EGFR: variants seen among roughly 807,000 people sequenced by gnomAD.
The protein encoded by EGFR is epidermal growth factor receptor, also known as avian erythroblastic leukemia viral (v-erb-b) oncogene homolog.
Under a neutral mutation model 143.0 loss-of-function variants are expected in EGFR, and 58 were observed. The ratio of observed to expected loss-of-function variants is 0.41; its 90% CI spans 0.33 to 0.50. EGFR has a LOEUF of 0.50. Among genes scored for constraint, EGFR ranks in the 20% least tolerant of loss-of-function variants. The probability of loss-of-function intolerance (pLI) is 0.39; values close to 1 mark genes in which losing one functional copy is unlikely to be tolerated. For missense variants in EGFR, 1,307 were observed against 1,579.0 expected (o/e 0.83, Z 2.92); for synonymous variants, 613 against 594.4 (o/e 1.03, Z -0.45).
chr7:55,126,432 T>G (rs961859219), intron 1 of EGFR, among the ~76,000 whole-genome samples: 1 of 152,242 alleles, frequency 6.6e-6, no homozygotes, highest in African/African-American at 2.4e-5. Context: ...GAGGCATTCT[T>G]CTACTCCCAC....
chr7:55,036,231 T>C (rs1787561446), intron 1 of EGFR, among the ~76,000 whole-genome samples: 1 of 137,816 alleles, frequency 7.3e-6, no homozygotes, highest in South Asian at 2.5e-4. Context: ...GCTAAGTTTA[T>C]ATTCTGTTCA....
At chr7:55,120,247 C>A (rs1192427565) in intron 1 of EGFR, among the ~76,000 whole-genome samples, 1 of 152,180 alleles carries the variant, frequency 6.6e-6, no homozygotes, top group Admixed American at 6.5e-5. Flanking sequence ...TTGGGGGACG[C>A]CACCCACCCT....
intron 1 of EGFR, among the ~76,000 whole-genome samples, chr7:55,078,826 G>A (rs2128888620): frequency 6.6e-6 from 1 of 152,310 alleles, no homozygotes; most frequent in African/African-American, 2.4e-5. Context: ...ATGGAGCAGT[G>A]GAGTGGCGTT....
intron 1 of EGFR, among the ~76,000 whole-genome samples, chr7:55,035,270 CATTTT>C (rs1032676853): frequency 1.3e-5 from 2 of 152,114 alleles, no homozygotes; most frequent in Non-Finnish European, 2.9e-5. Context: ...TTTCAAAACA[CATTTT>C]ATTTATTTGG....
intron 1 of EGFR, among the ~76,000 whole-genome samples, chr7:55,091,488 G>C (rs1013370773): frequency 5.3e-5 from 8 of 152,194 alleles, no homozygotes; most frequent in Non-Finnish European, 8.8e-5. Flanking sequence ...TTGGGTTGGG[G>C]GTGGGGCCTG....
chr7:55,078,910 TG>T, intron 1 of EGFR, among the ~76,000 whole-genome samples: 1 of 152,208 alleles, frequency 6.6e-6, no homozygotes, highest in Non-Finnish European at 1.5e-5. Flanking sequence ...GGCACGCGTC[TG>T]GGGTGGAGAC....
chr7:55,137,626 C>T (rs1031496955), intron 1 of EGFR, among the ~76,000 whole-genome samples: 7 of 152,202 alleles, frequency 4.6e-5, no homozygotes, highest in Admixed American at 6.5e-5. Flanking sequence ...GCACAGATAA[C>T]TTCGTATATC....
At chr7:55,188,588 G>A (rs148825439) in intron 20 of EGFR, among the ~76,000 whole-genome samples, 2 of 152,260 alleles carry the variant, frequency 1.3e-5, no homozygotes, top group African/African-American at 4.8e-5. Context: ...CGGAGAAGAA[G>A]CAGGAACTGA....
intron 1 of EGFR, among the ~76,000 whole-genome samples, chr7:55,088,442 C>G (rs943869855): frequency 6.6e-6 from 1 of 152,180 alleles, no homozygotes; most frequent in African/African-American, 2.4e-5. Context: ...TGTGCAACTC[C>G]CTTTTGGTAA....
intron 1 of EGFR, among the ~76,000 whole-genome samples, chr7:55,078,398 G>A (rs1412520610): frequency 1.3e-5 from 2 of 150,234 alleles, no homozygotes; most frequent in African/African-American, 2.4e-5. Context: ...ACCACGCCAC[G>A]TAGAGACACT....
Position 55,173,246 on chromosome 7 carries a change from A to G in EGFR, c.2061+122A>G, listed in dbSNP as rs929562683. 3 of 1,411,828 alleles carry G rather than the reference A, an allele frequency of 2.1e-6. No individual in the cohort carries two copies. The African/African-American group carries it at 4.2e-5, about 20-fold the overall frequency. 87.5% of individuals were successfully genotyped at this position (1,411,828 alleles called of 1,614,324 possible). The stretch of plus-strand genomic sequence containing the variant: ...ATACATAATTGTATTATGATGCAGA[A>G]AGAATCTCTGAATGTGCAGTTATAC... On this transcript the variant is annotated intron_variant, in intron 17 of 27. Coordinates refer to ENST00000275493, the MANE Select transcript of EGFR (RefSeq NM_005228.5).
rs537865545 is a variant in EGFR at position 55,167,133 on chromosome 7, G to A, written c.1880+1696G>A. ...CAATGGTGTCAGTGTTGATGGTGGC[G>A]ATGGTGATGAGGAGGTGGGAGTCAC... is the stretch of plus-strand genomic sequence containing the variant. On this transcript the variant is annotated intron_variant, in intron 15 of 27. Transcript: ENST00000275493. Among the ~76,000 whole-genome samples, 15 of 140,798 alleles carry A rather than the reference G, an allele frequency of 1.1e-4. 3 individuals are homozygous for A. Among genetic ancestry groups the A allele is most frequent in the Non-Finnish European group, 1.8e-4 (12 of 65,744 alleles). 92.4% of individuals were successfully genotyped at this position (140,798 alleles called of 152,430 possible).
At position 55,169,071 on chromosome 7, in the gene EGFR, G is replaced by A. The variant is rs149918701; in HGVS notation, c.1881-2104G>A. 4.1e-4 allele frequency among the ~76,000 whole-genome samples: 63 copies of A among 151,924 alleles called. 1 individual carries two copies. In the East Asian group the frequency reaches 0.012, roughly 28 times the overall value. ...ACCGGGCAGGTGCAGCCACCCAGACGAGGGGGAGGAACCCTGGAGGAATAG... is the reference window on the plus strand; with the variant it reads ...ACCGGGCAGGTGCAGCCACCCAGACAAGGGGGAGGAACCCTGGAGGAATAG... On this transcript the variant is annotated intron_variant, in intron 15 of 27. Coordinates refer to ENST00000275493, the MANE Select transcript of EGFR (RefSeq NM_005228.5).
chr7:55,052,372 G>C (rs547661403), intron 1 of EGFR, among the ~76,000 whole-genome samples: 3 of 152,328 alleles, frequency 2.0e-5, no homozygotes, highest in African/African-American at 7.2e-5. Context: ...CCACAGCATT[G>C]TTTGTATGCC....
intron 1 of EGFR, among the ~76,000 whole-genome samples, chr7:55,101,381 C>G (rs893414317): frequency 6.6e-6 from 1 of 152,248 alleles, no homozygotes; most frequent in South Asian, 2.1e-4. Flanking sequence ...TTCTGTCGCT[C>G]TATTTACTGA....
chr7:55,131,871 C>G (rs988748184), intron 1 of EGFR, among the ~76,000 whole-genome samples: 13 of 150,756 alleles, frequency 8.6e-5, no homozygotes, highest in Admixed American at 3.3e-4. Flanking sequence ...AGCAGCTAGA[C>G]GTGGCCATTC....
chr7:55,161,212 C>T (rs549772295), intron 12 of EGFR, among the ~76,000 whole-genome samples: 8 of 152,370 alleles, frequency 5.3e-5, no homozygotes, highest in African/African-American at 1.7e-4. Flanking sequence ...ACTCACGGCA[C>T]CCCCTCTCGG....
chr7:55,200,899 G>A (rs2128970954), intron 24 of EGFR: 7 of 534,794 alleles, frequency 1.3e-5, no homozygotes, highest in Middle Eastern at 1.0e-3. Flanking sequence ...ACAGCAAGGT[G>A]CACACTCGAT....
At chr7:55,019,625 C>G (rs1377114979) in intron 1 of EGFR, among the ~76,000 whole-genome samples, 1 of 152,106 alleles carries the variant, frequency 6.6e-6, no homozygotes, top group Non-Finnish European at 1.5e-5. Context: ...GAACGGCCGC[C>G]GGGACCTCCG....
Sources: gnomAD v4.1 joint callset for allele counts (sites outside exome capture counted in the v4.1 genomes callset) on GRCh38, gnomAD v4.1.1 for gene constraint, MANE v1.5 for transcripts, NCBI Gene and HGNC (gene_info 2026-07-23, HGNC 2026-07-21) for gene names.